Variants in PRCD observed in about 807,000 individuals in gnomAD.
PRCD encodes photoreceptor disc component, also known as photoreceptor disk component PRCD.
PRCD carries 12 observed loss-of-function variants against 10.1 expected under a neutral mutation model. The ratio of observed to expected loss-of-function variants is 1.18; its 90% CI spans 0.76 to 1.92. The LOEUF is 1.92. Among genes scored for constraint, PRCD ranks in the 40% most tolerant of loss-of-function variants. The pLI is 0.00. For synonymous variants in PRCD, 31 were observed against 26.2 expected (o/e 1.18, Z -0.56); for missense variants, 61 against 72.2 (o/e 0.84, Z 0.56).
chr17:76,529,687 TC>T, intron 1 of PRCD: 1 of 985,350 alleles, frequency 1.0e-6, no homozygotes, highest in Non-Finnish European at 1.2e-6. Context: ...TCTTCCCCTG[TC>T]TTTTCCCTGG....
At chr17:76,536,474 G>C (rs1363384011), upstream of PRCD, among the ~76,000 whole-genome samples, 1 of 152,172 alleles carries the variant, frequency 6.6e-6, no homozygotes, top group Non-Finnish European at 1.5e-5. Context: ...ATGGTCTGGG[G>C]CTCCTCTGCC....
chr17:76,549,614 G>C (rs554337678), downstream of PRCD, among the ~76,000 whole-genome samples: 11 of 152,288 alleles, frequency 7.2e-5, no homozygotes, highest in African/African-American at 2.6e-4. Flanking sequence ...CCACAAAAAA[G>C]ACTGCAAAGA....
chr17:76,527,604 C>T (rs372032317), upstream of PRCD: 12 of 453,072 alleles, frequency 2.6e-5, no homozygotes, highest in African/African-American at 8.0e-5. Flanking sequence ...GGCCGACTGC[C>T]GGCCAGGAGG....
At chr17:76,534,692 C>T (rs1168472666) in intron 1 of PRCD, among the ~76,000 whole-genome samples, 1 of 152,128 alleles carries the variant, frequency 6.6e-6, no homozygotes, top group East Asian at 1.9e-4. Context: ...CAGGAAGGGG[C>T]CCAGGCAGGC....
intron 1 of PRCD, among the ~76,000 whole-genome samples, chr17:76,534,696 G>C (rs2074895786): frequency 6.6e-6 from 1 of 152,160 alleles, no homozygotes; most frequent in African/African-American, 2.4e-5. Context: ...AAGGGGCCCA[G>C]GCAGGCCCGC....
At position 76,545,364 on chromosome 17, in the gene PRCD, CTA is replaced by C. The variant is rs1355550032; in HGVS notation, c.*1716_*1717del. 1 of 456,726 alleles carries C rather than the reference CTA, an allele frequency of 2.2e-6. No individual in the cohort carries two copies. The highest frequency in any genetic ancestry group is 6.9e-5 in the East Asian group (1 of 14,400). The allele number at this position is 456,726 out of a possible 1,614,324, so 28.3% of individuals were successfully genotyped here. A position where few individuals can be genotyped will look rare whatever the true frequency, so the allele number is the denominator to read the frequency against. ...TTTAAATGGGGGAATTAAATCCTGA[CTA>C]TGACACTGTCCCCACTGAGGCTGAG... On this transcript the variant is annotated 3_prime_UTR_variant, in exon 5 of 5. Transcript: ENST00000592014.
At chr17:76,541,013 G>T (rs62086577) in intron 2 of PRCD, among the ~76,000 whole-genome samples, 5 of 152,098 alleles carry the variant, frequency 3.3e-5, no homozygotes, top group African/African-American at 1.2e-4. Flanking sequence ...TAGAAGGCGC[G>T]GGAGGAGCAT....
rs905206727 is a variant in PRCD, at chr17:76,540,665, G to A, written c.143+92G>A. The A allele has an allele frequency of 3.9e-6, 5 of 1,273,924 alleles. No individual in the cohort carries two copies. The highest frequency in any genetic ancestry group is 1.8e-5 in the Admixed American group (1 of 54,642). The allele number at this position is 1,273,924 out of a possible 1,614,324, so 78.9% of individuals were successfully genotyped here. ...GGGGTGCACGTGTGTGCCTGTGCGC[G>A]CCTGTGCGTGCACCGTATCCTGGCC... On this transcript the variant is annotated intron_variant, in intron 2 of 4. Transcript: ENST00000592014. This position sits in a 1 kb window ranked among gnomAD's most constrained non-coding sequence, Gnocchi z 5.0.
chr17:76,537,651 G>C, upstream of PRCD: 1 of 946,968 alleles, frequency 1.1e-6, no homozygotes, highest in Non-Finnish European at 1.3e-6. Context: ...GCGGCGGGCG[G>C]GCGAGGGGTA....
Position 76,533,347 on chromosome 17 carries a change from A to G in PRCD, n.45+5514A>G, listed in dbSNP as rs1598204614. The stretch of plus-strand genomic sequence containing the variant: ...AATACATTGAATTTTCTGGAGAAGC[A>G]CTGTAATGAGGGACAAATGTGAAAA... On this transcript the variant is annotated intron_variant and non_coding_transcript_variant, in intron 1 of 4. Coordinates refer to the PRCD transcript ENST00000397633. This position sits in a 1 kb window ranked among gnomAD's most constrained non-coding sequence, Gnocchi z 4.5. 1.3e-5 allele frequency among the ~76,000 whole-genome samples: 2 copies of G among 152,224 alleles called. No homozygotes were observed. The highest frequency in any genetic ancestry group is 2.9e-5 in the Non-Finnish European group (2 of 68,032).
chr17:76,530,886 CAGCCCCAG>C lies in PRCD; in HGVS notation n.45+3054_45+3061del. 1 of 1,376,556 alleles carries C rather than the reference CAGCCCCAG, an allele frequency of 7.3e-7. No homozygotes were observed. 85.3% of individuals were successfully genotyped at this position (1,376,556 alleles called of 1,614,324 possible). A position where few individuals can be genotyped will look rare whatever the true frequency, so the allele number is the denominator to read the frequency against. ...CCTCAAGTGTGCCTGCCCAGGTGAT[CAGCCCCAG>C]GGCCTCAGGAGATATGGGAGACCTC... On this transcript the variant is annotated intron_variant and non_coding_transcript_variant, in intron 1 of 4. Transcript: ENST00000397633. The surrounding 1 kb of genome is among the most constrained non-coding windows in gnomAD (Gnocchi z 6.1).
At chr17:76,547,746 AAC>A (rs199574611), downstream of PRCD, among the ~76,000 whole-genome samples, 1,106 of 149,416 alleles carry the variant, frequency 7.4e-3, 18 homozygotes, top group African/African-American at 0.026. Flanking sequence ...CACATACACA[AAC>A]ACAGTCATAT....
chr17:76,543,209 C>A, intron 4 of PRCD, 88 bp downstream of exon 4: 1 of 410,754 alleles, frequency 2.4e-6, no homozygotes, highest in South Asian at 1.8e-5. Flanking sequence ...CCTGGCTGGG[C>A]CTGGCAGAAA....
chr17:76,538,743 A>G (rs2074952462), upstream of PRCD, among the ~76,000 whole-genome samples: 1 of 152,132 alleles, frequency 6.6e-6, no homozygotes, highest in Admixed American at 6.5e-5. Flanking sequence ...TGGGGGGAGA[A>G]TCCCATGGTG....
At chr17:76,534,146 T>TTCTCTCTCTCTCTCTC (rs71158013) in intron 1 of PRCD, among the ~76,000 whole-genome samples, 2,133 of 128,798 alleles carry the variant, frequency 0.017, 32 homozygotes, top group Non-Finnish European at 0.024. Context: ...CTCTTTCTCT[T>TTCTCTCTCTCTCTCTC]TCTCTCTCTC....
chr17:76,544,166 T>C lies in PRCD; in HGVS notation c.*516T>C, dbSNP rs897900280. 4.4e-6 allele frequency: 2 copies of C among 454,474 alleles called. No individual in the cohort carries two copies. Among genetic ancestry groups the C allele is most frequent in the Non-Finnish European group, 8.8e-6 (2 of 226,856 alleles). 28.2% of individuals were successfully genotyped at this position (454,474 alleles called of 1,614,324 possible). The stretch of plus-strand genomic sequence containing the variant: ...AGACCCTGCAGGCAGCTGCTCCTGA[T>C]GTCTCACAGCTATTAGTCTTCAAAA... On this transcript the variant is annotated 3_prime_UTR_variant, in exon 5 of 5. Coordinates refer to ENST00000592014, the MANE Select transcript of PRCD (RefSeq NM_001077620.3).
upstream of PRCD, among the ~76,000 whole-genome samples, chr17:76,537,150 G>T (rs2074924800): frequency 6.6e-6 from 1 of 152,226 alleles, no homozygotes; most frequent in Non-Finnish European, 1.5e-5. Context: ...GGGGAGAGGA[G>T]GGGGACCGAG....
rs528515729 is a variant in PRCD at position 76,531,858 on chromosome 17, C to T, written n.45+4025C>T. 2 of 599,600 alleles carry T rather than the reference C, an allele frequency of 3.3e-6. No homozygotes were observed. Among genetic ancestry groups the T allele is most frequent in the South Asian group, 4.3e-5 (2 of 46,080 alleles). 37.1% of individuals were successfully genotyped at this position (599,600 alleles called of 1,614,324 possible). Reference sequence around the variant, plus strand: ...GACCTCAGCATAGACCCTCCTCCCTCTGGCCAAGCCGGCTCACCCCTACCA... The same window carrying T: ...GACCTCAGCATAGACCCTCCTCCCTTTGGCCAAGCCGGCTCACCCCTACCA... On this transcript the variant is annotated intron_variant and non_coding_transcript_variant, in intron 1 of 4. Coordinates refer to the PRCD transcript ENST00000397633. This position sits in a 1 kb window ranked among gnomAD's most constrained non-coding sequence, Gnocchi z 7.4.
At chr17:76,529,402 G>T in intron 1 of PRCD, 1 of 985,390 alleles carries the variant, frequency 1.0e-6, no homozygotes, top group Non-Finnish European at 1.2e-6. Flanking sequence ...GACTTCGGCC[G>T]TTTCAAAATG....
Sources: gnomAD v4.1 joint callset for allele counts (sites outside exome capture counted in the v4.1 genomes callset) on GRCh38, gnomAD v4.1.1 for gene constraint, Gnocchi (gnomAD v3.1) non-coding constraint, MANE v1.5 for transcripts, NCBI Gene and HGNC (gene_info 2026-07-23, HGNC 2026-07-21) for gene names.